Variants in DCC observed in about 807,000 individuals in gnomAD.
DCC encodes DCC netrin 1 receptor, also known as netrin receptor DCC.
DCC carries 58 observed loss-of-function variants against 172.5 expected under a neutral mutation model. The ratio of observed to expected loss-of-function variants is 0.34; its 90% CI spans 0.27 to 0.42. The LOEUF (loss-of-function observed/expected upper bound fraction) is 0.42, where lower values mean the gene tolerates loss of function less well. Among genes scored for constraint, DCC ranks in the 10% least tolerant of loss-of-function variants. The pLI, the probability that DCC is intolerant of heterozygous loss-of-function variation, is 1.00. For missense variants in DCC, 1,740 were observed against 1,791.0 expected, an observed-to-expected ratio of 0.97 and a Z score of 0.51; for synonymous variants, 709 against 644.5, an observed-to-expected ratio of 1.10 and a Z score of -1.52.
At chr18:53,425,028 T>C (rs1910829757) in intron 21 of DCC, among the ~76,000 whole-genome samples, 1 of 151,952 alleles carries the variant, frequency 6.6e-6, no homozygotes, top group South Asian at 2.1e-4. Context: ...GACTGTGGGA[T>C]AGGGAGAGAA....
rs915538217 is a variant in DCC at position 52,392,149 on chromosome 18, C to T, written c.91+51271C>T. ...TCTATTAATTATGCTTCAGAATCAA[C>T]GTGAAGCTCTAGGTAAGTGGCTGGT... On this transcript the variant is annotated intron_variant, in intron 1 of 28. Coordinates refer to ENST00000442544, the MANE Select transcript of DCC (RefSeq NM_005215.4). 2.6e-5 allele frequency among the ~76,000 whole-genome samples: 4 copies of T among 152,130 alleles called. No individual in the cohort carries two copies. The South Asian group carries it at 6.2e-4, about 24-fold the overall frequency.
chr18:52,876,246 AG>A (rs2039401403), intron 2 of DCC, among the ~76,000 whole-genome samples: 1 of 152,206 alleles, frequency 6.6e-6, no homozygotes, highest in Admixed American at 6.5e-5. Context: ...CAGAGCCTAG[AG>A]AATCTATTGT....
rs538190097 is a variant in DCC, at chr18:53,292,122, C to G, written c.1912-13456C>G. On this transcript the variant is annotated intron_variant, in intron 12 of 28. Coordinates refer to ENST00000442544, the MANE Select transcript of DCC (RefSeq NM_005215.4). ...TTATTCTTTGAGCTCCACCCCCCCCCCCTTTTTTCCTGTAAGCTGGGCTAT... is the reference window on the plus strand; with the variant it reads ...TTATTCTTTGAGCTCCACCCCCCCCGCCTTTTTTCCTGTAAGCTGGGCTAT... Among the ~76,000 whole-genome samples the G allele has an allele frequency of 2.8e-3, 424 of 151,148 alleles. 3 individuals are homozygous for G. The highest frequency in any genetic ancestry group is 4.5e-3 in the Non-Finnish European group (309 of 67,940).
chr18:53,446,466 G>A (rs1912619034), intron 22 of DCC, among the ~76,000 whole-genome samples: 2 of 152,134 alleles, frequency 1.3e-5, no homozygotes, highest in Admixed American at 6.5e-5. Flanking sequence ...TGGAAAGGGG[G>A]CAATGTCACT....
intron 1 of DCC, among the ~76,000 whole-genome samples, chr18:52,484,260 C>T (rs2030098412): frequency 2.0e-5 from 3 of 152,062 alleles, no homozygotes; most frequent in South Asian, 2.1e-4. Flanking sequence ...TCTTAGAGTA[C>T]AGTAGAGCTT....
chr18:52,861,007 A>C (rs1453568440), intron 2 of DCC, among the ~76,000 whole-genome samples: 3 of 87,382 alleles, frequency 3.4e-5, no homozygotes, highest in Non-Finnish European at 5.1e-5. Flanking sequence ...ATCTGAATCC[A>C]TTTCAAAAAA....
Position 52,433,715 on chromosome 18 carries a change from G to T in DCC, c.91+92837G>T. Among the ~76,000 whole-genome samples, 2 of 152,210 alleles carry T rather than the reference G, an allele frequency of 1.3e-5. 1 individual carries two copies. The highest frequency in any genetic ancestry group is 4.2e-4 in the South Asian group (2 of 4,818). ...AATCTATTCTTTAAATGTAACTCTGGATTCCCCTTTTTAAATCTGATTATT... is the reference window on the plus strand; with the variant it reads ...AATCTATTCTTTAAATGTAACTCTGTATTCCCCTTTTTAAATCTGATTATT... On this transcript the variant is annotated intron_variant, in intron 1 of 28. Transcript: ENST00000442544.
intron 5 of DCC, among the ~76,000 whole-genome samples, chr18:52,980,792 T>C (rs754725924): frequency 1.3e-5 from 2 of 152,130 alleles, no homozygotes; most frequent in African/African-American, 2.4e-5. Context: ...AAGAAAATTA[T>C]CTAATTTATC....
intron 1 of DCC, among the ~76,000 whole-genome samples, chr18:52,607,588 G>T (rs1214322853): frequency 6.6e-6 from 1 of 152,070 alleles, no homozygotes; most frequent in Admixed American, 6.6e-5. Context: ...CTTCTTTAGA[G>T]GAAGTTTCTC....
chr18:52,891,560 T>C (rs186807512), intron 2 of DCC, among the ~76,000 whole-genome samples: 105 of 152,218 alleles, frequency 6.9e-4, no homozygotes, highest in African/African-American at 2.3e-3. Context: ...ATAATTAGCC[T>C]CTTACTCCTG....
At chr18:53,073,185 T>C (rs868506584) in intron 7 of DCC, among the ~76,000 whole-genome samples, 1 of 152,128 alleles carries the variant, frequency 6.6e-6, no homozygotes, top group Non-Finnish European at 1.5e-5. Flanking sequence ...AATTTCCCAC[T>C]TTAAAAAATA....
intron 1 of DCC, among the ~76,000 whole-genome samples, chr18:52,505,117 C>A (rs775944266): frequency 5.9e-5 from 9 of 152,124 alleles, no homozygotes; most frequent in Non-Finnish European, 1.2e-4. Context: ...GAGAACGTAT[C>A]AACTTGCTGT....
At chr18:52,746,786 A>G (rs1282584608) in intron 1 of DCC, among the ~76,000 whole-genome samples, 1 of 4,612 alleles carries the variant, frequency 2.2e-4, no homozygotes, top group Non-Finnish European at 0.019. Context: ...TGAGAAAACT[A>G]AAACATAGAT....
chr18:53,264,210 T>C (rs1257311500), intron 12 of DCC, among the ~76,000 whole-genome samples: 1 of 152,004 alleles, frequency 6.6e-6, no homozygotes, highest in Admixed American at 6.6e-5. Flanking sequence ...AACACAGGGC[T>C]AGGCGCGGTG....
intron 2 of DCC, among the ~76,000 whole-genome samples, chr18:52,818,685 G>T (rs1192215098): frequency 2.6e-5 from 4 of 152,164 alleles, no homozygotes; most frequent in African/African-American, 9.7e-5. Context: ...TAGCATCTGA[G>T]ATTCTATTGG....
chr18:52,877,876 G>C (rs116724117), intron 2 of DCC, among the ~76,000 whole-genome samples: 2,302 of 151,884 alleles, frequency 0.015, 43 homozygotes, highest in African/African-American at 0.039. Context: ...TCCCTGTCCC[G>C]TATTCTCCTA....
At chr18:53,259,537 C>T (rs1485331559) in intron 12 of DCC, among the ~76,000 whole-genome samples, 3 of 152,200 alleles carry the variant, frequency 2.0e-5, no homozygotes, top group East Asian at 3.9e-4. Context: ...TGAATATTGG[C>T]CCCCACTCTC....
intron 2 of DCC, among the ~76,000 whole-genome samples, chr18:52,902,016 C>T (rs1462359113): frequency 6.6e-6 from 1 of 152,042 alleles, no homozygotes; most frequent in African/African-American, 2.4e-5. Context: ...TGATTGAGTA[C>T]CTAAAACATG....
chr18:52,777,798 G>C (rs2037461018), intron 2 of DCC, among the ~76,000 whole-genome samples: 1 of 152,008 alleles, frequency 6.6e-6, no homozygotes, highest in South Asian at 2.1e-4. Flanking sequence ...AGAATCAGTG[G>C]GATGTTTGAG....
Sources: gnomAD v4.1 joint callset for allele counts (sites outside exome capture counted in the v4.1 genomes callset) on GRCh38, gnomAD v4.1.1 for gene constraint, MANE v1.5 for transcripts, NCBI Gene and HGNC (gene_info 2026-07-23, HGNC 2026-07-21) for gene names.